The following ABTB2 variants were observed in gnomAD, a reference collection of about 807,000 sequenced individuals.
ABTB2 encodes the protein ankyrin repeat and BTB/POZ domain-containing protein 2.
Under a neutral mutation model 104.1 loss-of-function variants are expected in ABTB2, and 56 were observed. That is an observed-to-expected ratio of 0.54 (90% CI 0.43 to 0.67). The LOEUF is 0.67. Ranked by LOEUF, ABTB2 falls within the 30% of genes least tolerant of loss-of-function variation. The probability of loss-of-function intolerance (pLI) is 0.00; values close to 1 mark genes in which losing one functional copy is unlikely to be tolerated. For missense variants in ABTB2, 1,279 were observed against 1,407.7 expected (o/e 0.91, Z 1.46); for synonymous variants, 606 against 608.2 (o/e 1.00, Z 0.05).
Position 34,357,625 on chromosome 11 carries a change from CACA to C in ABTB2, c.-45_-43del, listed in dbSNP as rs1855484356. ...GCGGCGTCGCCGAGCGAGGGGCACT[CACA>C]ACTCCATGCCCTCTTTCCCAAGTGG... On this transcript the variant is annotated 5_prime_UTR_variant, in exon 1 of 17. It introduces an in-frame stop codon into an upstream open reading frame of the 5' UTR. Coordinates refer to ENST00000435224, the MANE Select transcript of ABTB2 (RefSeq NM_145804.3). 1.4e-6 allele frequency: 2 copies of C among 1,475,590 alleles called. No homozygotes were observed. The highest frequency in any genetic ancestry group is 2.1e-5 in the Admixed American group (1 of 46,534). 91.4% of individuals were successfully genotyped at this position (1,475,590 alleles called of 1,614,324 possible).
chr11:34,213,675 G>A (rs544613919), intron 1 of ABTB2, among the ~76,000 whole-genome samples: 1 of 152,254 alleles, frequency 6.6e-6, no homozygotes, highest in Admixed American at 6.5e-5. Flanking sequence ...TTTTTTTGAA[G>A]CAAAAACTTA....
intron 16 of ABTB2, among the ~76,000 whole-genome samples, chr11:34,153,546 C>G (rs1041148523): frequency 6.6e-6 from 1 of 152,190 alleles, no homozygotes; most frequent in East Asian, 1.9e-4. Flanking sequence ...TTTGTAGAGG[C>G]AGGTTCTTGC....
intron 1 of ABTB2, among the ~76,000 whole-genome samples, chr11:34,247,454 T>C (rs1034047491): frequency 6.6e-6 from 1 of 152,252 alleles, no homozygotes; most frequent in African/African-American, 2.4e-5. Flanking sequence ...TATTATAACA[T>C]AGGTTTTGGG....
chr11:34,301,555 T>C (rs186246232), intron 1 of ABTB2, among the ~76,000 whole-genome samples: 36 of 152,340 alleles, frequency 2.4e-4, no homozygotes, highest in African/African-American at 8.4e-4. Context: ...AATAGATAAA[T>C]GCTGTTGAAT....
At chr11:34,237,658 G>C (rs1853863398) in intron 1 of ABTB2, among the ~76,000 whole-genome samples, 2 of 152,150 alleles carry the variant, frequency 1.3e-5, no homozygotes, top group Admixed American at 1.3e-4. Flanking sequence ...ACTTTGGGAG[G>C]CCAAGGTGGG....
chr11:34,306,078 G>C (rs1203435625), intron 1 of ABTB2, among the ~76,000 whole-genome samples: 6 of 152,006 alleles, frequency 3.9e-5, no homozygotes, highest in Non-Finnish European at 7.4e-5. Context: ...TCTAAGAACA[G>C]GAAGTTAACA....
In ABTB2 at chr11:34,168,033, G is replaced by C. The variant is rs111436291; in HGVS notation, c.1564-41C>G. On this transcript the variant is annotated intron_variant, in intron 5 of 16. Transcript: ENST00000435224. Reference sequence around the variant, plus strand: ...GCACGTGCTAAACTGTTTGCAAACAGAACACAACACCATGTGCCCACAGGC... The same window carrying C: ...GCACGTGCTAAACTGTTTGCAAACACAACACAACACCATGTGCCCACAGGC... 8.2e-6 allele frequency: 13 copies of C among 1,587,582 alleles called. 1 individual carries two copies. Among genetic ancestry groups the C allele is most frequent in the Non-Finnish European group, 1.1e-5 (13 of 1,161,074 alleles).
chr11:34,169,181 C>G (rs1168821516), intron 5 of ABTB2, among the ~76,000 whole-genome samples: 1 of 152,178 alleles, frequency 6.6e-6, no homozygotes, highest in African/African-American at 2.4e-5. Context: ...TTTCTCCACA[C>G]ATCTGTATAC....
intron 1 of ABTB2, among the ~76,000 whole-genome samples, chr11:34,347,930 C>A (rs189049630): frequency 2.0e-5 from 3 of 152,148 alleles, no homozygotes; most frequent in Non-Finnish European, 4.4e-5. Flanking sequence ...CTGTTTTATG[C>A]TCCACGATTA....
chr11:34,193,191 C>T (rs1260580985), intron 3 of ABTB2, among the ~76,000 whole-genome samples: 1 of 152,244 alleles, frequency 6.6e-6, no homozygotes, highest in Non-Finnish European at 1.5e-5. Context: ...GAGGCTCTTT[C>T]ACTTTCTAAG....
At chr11:34,253,068 T>A (rs1262198254) in intron 1 of ABTB2, among the ~76,000 whole-genome samples, 2 of 152,138 alleles carry the variant, frequency 1.3e-5, no homozygotes, top group African/African-American at 4.8e-5. Context: ...TCAATGCTCC[T>A]CCCAGAGGAT....
intron 1 of ABTB2, among the ~76,000 whole-genome samples, chr11:34,288,834 G>A (rs945942934): frequency 2.0e-5 from 3 of 152,136 alleles, no homozygotes; most frequent in Non-Finnish European, 2.9e-5. Context: ...GCCCTGACAC[G>A]AAGCATAGCC....
chr11:34,164,592 C>A, intron 9 of ABTB2, 94 bp downstream of exon 9: 1 of 1,348,494 alleles, frequency 7.4e-7, no homozygotes, highest in Non-Finnish European at 9.5e-7. Flanking sequence ...GGTCTCCGGG[C>A]CTAGCTCTTT....
intron 1 of ABTB2, among the ~76,000 whole-genome samples, chr11:34,353,247 T>C (rs1855421183): frequency 6.6e-6 from 1 of 152,002 alleles, no homozygotes; most frequent in Non-Finnish European, 1.5e-5. Flanking sequence ...AATCTAGAAA[T>C]TGAGGAAGAT....
At position 34,159,333 on chromosome 11, in the gene ABTB2, G is replaced by T. The variant is rs1852674451; in HGVS notation, c.2660C>A (p.Thr887Asn). 6.2e-7 allele frequency: 1 copy of T among 1,614,030 alleles called. No homozygotes were observed. Among genetic ancestry groups the T allele is most frequent in the Non-Finnish European group, 8.5e-7 (1 of 1,179,964 alleles). ...GTACTTCATGTCGCTGATCTCGATGGTCTTGCTGCTGTCCCCATCCTGTTC... is the reference window on the plus strand; with the variant it reads ...GTACTTCATGTCGCTGATCTCGATGTTCTTGCTGCTGTCCCCATCCTGTTC... ...KSEQDGDSSK[T>N]IEISDMKYHI... Residue 887 changes from threonine to asparagine, a missense_variant, in exon 14 of 17, where the codon ACC becomes AAC. Coordinates refer to ENST00000435224, the MANE Select transcript of ABTB2 (RefSeq NM_145804.3).
intron 3 of ABTB2, among the ~76,000 whole-genome samples, chr11:34,189,522 G>A (rs945492985): frequency 1.3e-5 from 2 of 152,146 alleles, no homozygotes; most frequent in Non-Finnish European, 2.9e-5. Context: ...GATTGCCTGA[G>A]CCCAGGAGGT....
intron 1 of ABTB2, among the ~76,000 whole-genome samples, chr11:34,245,802 A>G (rs1038836764): frequency 1.3e-5 from 2 of 152,204 alleles, no homozygotes; most frequent in Non-Finnish European, 2.9e-5. Context: ...CACACTGAGC[A>G]CCAGTAGAGG....
chr11:34,160,198 AAG>A, intron 12 of ABTB2, 48 bp downstream of exon 12: 8 of 1,490,220 alleles, frequency 5.4e-6, no homozygotes, highest in Non-Finnish European at 7.5e-6. Context: ...CAGGAAAGGG[AAG>A]AGGGGGAGGA....
At chr11:34,264,081 G>A (rs929420519) in intron 1 of ABTB2, among the ~76,000 whole-genome samples, 2 of 152,192 alleles carry the variant, frequency 1.3e-5, no homozygotes, top group Non-Finnish European at 2.9e-5. Flanking sequence ...AGTAACACAG[G>A]CCTTCTTACT....
Sources: gnomAD v4.1 joint callset for allele counts (sites outside exome capture counted in the v4.1 genomes callset) on GRCh38, gnomAD v4.1.1 for gene constraint, MANE v1.5 for transcripts, NCBI Gene and HGNC (gene_info 2026-07-23, HGNC 2026-07-21) for gene names.